The following HMGA2 variants were observed in gnomAD, a reference collection of about 807,000 sequenced individuals.
The protein encoded by HMGA2 is high mobility group AT-hook 2, also known as high mobility group protein HMGI-C.
A neutral mutation model predicts 19.1 loss-of-function variants in HMGA2; 8 were observed. The ratio of observed to expected loss-of-function variants is 0.42; its 90% CI spans 0.25 to 0.76. The LOEUF is 0.76. HMGA2 is among the 30% of genes least tolerant of loss of function. The probability of loss-of-function intolerance (pLI) is 0.28; values close to 1 mark genes in which losing one functional copy is unlikely to be tolerated. For synonymous variants in HMGA2, 60 were observed against 48.8 expected, an observed-to-expected ratio of 1.23 and a Z score of -0.96; for missense variants, 109 against 136.3, an observed-to-expected ratio of 0.80 and a Z score of 1.00.
chr12:65,879,667 A>G (rs1873258369), intron 3 of HMGA2, among the ~76,000 whole-genome samples: 1 of 152,200 alleles, frequency 6.6e-6, no homozygotes, highest in Non-Finnish European at 1.5e-5. Flanking sequence ...TAGATGCTAT[A>G]CTTCTCAAAT....
At chr12:65,937,372 T>G (rs1197676387) in intron 3 of HMGA2, among the ~76,000 whole-genome samples, 1 of 151,854 alleles carries the variant, frequency 6.6e-6, no homozygotes, top group Non-Finnish European at 1.5e-5. Flanking sequence ...AGAATAGTTA[T>G]GACTGGGCAG....
chr12:65,887,815 C>T (rs958707330), intron 3 of HMGA2, among the ~76,000 whole-genome samples: 39 of 151,444 alleles, frequency 2.6e-4, no homozygotes, highest in African/African-American at 7.3e-4. Context: ...TTTGGAGTTG[C>T]GTCATTAGGA....
At chr12:65,901,065 C>A (rs1415571433) in intron 3 of HMGA2, among the ~76,000 whole-genome samples, 1 of 152,186 alleles carries the variant, frequency 6.6e-6, no homozygotes, top group Non-Finnish European at 1.5e-5. Context: ...CCTCCCATTT[C>A]TTTCCAGCTC....
chr12:65,829,985 A>G (rs887228838), intron 2 of HMGA2, among the ~76,000 whole-genome samples: 2 of 151,904 alleles, frequency 1.3e-5, no homozygotes, highest in Non-Finnish European at 2.9e-5. Context: ...CATTATTCCA[A>G]TTTCCAAAAC....
At chr12:65,865,818 A>G (rs572309502) in intron 3 of HMGA2, among the ~76,000 whole-genome samples, 45 of 147,586 alleles carry the variant, frequency 3.0e-4, no homozygotes, top group African/African-American at 1.1e-3. Flanking sequence ...TTTTTTTGGT[A>G]TTTTTAGTAG....
At chr12:65,893,829 C>T (rs1272188118) in intron 3 of HMGA2, among the ~76,000 whole-genome samples, 1 of 152,220 alleles carries the variant, frequency 6.6e-6, no homozygotes, top group African/African-American at 2.4e-5. Flanking sequence ...TGATATTTGA[C>T]TTTCCCACTG....
rs937574122 is a variant in HMGA2, at chr12:65,965,955, G to A, written c.*2663G>A. The A allele has an allele frequency of 2.7e-5, 6 of 219,766 alleles. No homozygotes were observed. Among genetic ancestry groups the A allele is most frequent in the Non-Finnish European group, 5.5e-5 (6 of 109,356 alleles). The allele number at this position is 219,766 out of a possible 1,614,324, so 13.6% of individuals were successfully genotyped here. ...AAATTTTATAGGACTGTTCTTTGCT[G>A]TTGTTGGTCGCAGCTACATAAGACT... On this transcript the variant is annotated 3_prime_UTR_variant, in exon 5 of 5. Coordinates refer to ENST00000403681, the MANE Select transcript of HMGA2 (RefSeq NM_003483.6).
At chr12:65,920,501 G>A (rs1475498834) in intron 3 of HMGA2, among the ~76,000 whole-genome samples, 1 of 152,184 alleles carries the variant, frequency 6.6e-6, no homozygotes, top group Non-Finnish European at 1.5e-5. Flanking sequence ...CCACCCAAAT[G>A]TCAACTCGAA....
chr12:65,905,654 A>C (rs976117617), intron 3 of HMGA2, among the ~76,000 whole-genome samples: 3 of 152,240 alleles, frequency 2.0e-5, no homozygotes, highest in African/African-American at 7.2e-5. Context: ...CTGTATATGC[A>C]CAGTACTCTT....
At chr12:65,893,429 C>T (rs923047714) in intron 3 of HMGA2, among the ~76,000 whole-genome samples, 3 of 152,162 alleles carry the variant, frequency 2.0e-5, no homozygotes, top group African/African-American at 7.2e-5. Context: ...TTTTCTTTTT[C>T]TTCCTGAGGG....
chr12:65,926,538 G>C (rs1435471062), intron 3 of HMGA2, among the ~76,000 whole-genome samples: 1 of 152,206 alleles, frequency 6.6e-6, no homozygotes, highest in Non-Finnish European at 1.5e-5. Context: ...GTGAAGTTCT[G>C]TTTCCACCTA....
chr12:65,891,699 GAA>G (rs1873919637), intron 3 of HMGA2, among the ~76,000 whole-genome samples: 1 of 152,212 alleles, frequency 6.6e-6, no homozygotes. Context: ...AATAGAGAGA[GAA>G]GAGACAGGAC....
At chr12:65,915,760 A>T (rs1239066900) in intron 3 of HMGA2, among the ~76,000 whole-genome samples, 1 of 152,194 alleles carries the variant, frequency 6.6e-6, no homozygotes, top group Non-Finnish European at 1.5e-5. Flanking sequence ...CTTTGGGTTT[A>T]AATTTTGGAC....
intron 3 of HMGA2, among the ~76,000 whole-genome samples, chr12:65,931,551 T>TTGTGTGTGTGTGTGTG (rs60877869): frequency 4.0e-4 from 58 of 144,244 alleles, no homozygotes; most frequent in Non-Finnish European, 3.1e-4. Flanking sequence ...TTATAGATGT[T>TTGTGTGTGTGTGTGTG]TGTGTGTGTG....
At chr12:65,829,604 A>T (rs1275072048) in intron 2 of HMGA2, among the ~76,000 whole-genome samples, 6 of 152,106 alleles carry the variant, frequency 3.9e-5, no homozygotes, top group Non-Finnish European at 7.4e-5. Flanking sequence ...TCTGAAAAAC[A>T]CATCATGATA....
chr12:65,838,986 C>CTTTTTTTTTTTTTTT (rs1236837070), intron 3 of HMGA2, among the ~76,000 whole-genome samples: 1 of 91,358 alleles, frequency 1.1e-5, no homozygotes, highest in African/African-American at 1.0e-4. Flanking sequence ...CTTTTTCTTT[C>CTTTTTTTTTTTTTTT]TTTTTCTTTT....
At chr12:65,927,829 A>ACC (rs1261642499) in intron 3 of HMGA2, among the ~76,000 whole-genome samples, 1 of 113,342 alleles carries the variant, frequency 8.8e-6, no homozygotes, top group Non-Finnish European at 1.8e-5. Flanking sequence ...CTCTCTTTGT[A>ACC]TCTGTGTGTG....
intron 3 of HMGA2, among the ~76,000 whole-genome samples, chr12:65,880,044 A>C (rs921838703): frequency 6.6e-6 from 1 of 152,254 alleles, no homozygotes; most frequent in African/African-American, 2.4e-5. Context: ...TTTATTTTAC[A>C]GTGGTTGACC....
chr12:65,909,548 A>T (rs776062313), intron 3 of HMGA2, among the ~76,000 whole-genome samples: 5 of 152,292 alleles, frequency 3.3e-5, no homozygotes, highest in Admixed American at 1.3e-4. Flanking sequence ...GCTAAGGGTG[A>T]AGTGGGAAAG....
Sources: gnomAD v4.1 joint callset for allele counts (sites outside exome capture counted in the v4.1 genomes callset) on GRCh38, gnomAD v4.1.1 for gene constraint, MANE v1.5 for transcripts, NCBI Gene and HGNC (gene_info 2026-07-23, HGNC 2026-07-21) for gene names.